Variants in RYR3 observed in about 807,000 individuals in gnomAD.
RYR3 encodes brain ryanodine receptor-calcium release channel.
RYR3 carries 207 observed loss-of-function variants against 584.3 expected under a neutral mutation model. That is an observed-to-expected ratio of 0.35 (90% confidence interval 0.32 to 0.40). The LOEUF is 0.40. Among genes scored for constraint, RYR3 ranks in the 10% least tolerant of loss-of-function variants. The pLI is 1.00. For missense variants in RYR3, 5,616 were observed against 6,089.2 expected (o/e 0.92, Z 2.59); for synonymous variants, 2,416 against 2,248.5 (o/e 1.07, Z -2.11).
chr15:33,503,971 G>A (rs1176646265), intron 3 of RYR3, among the ~76,000 whole-genome samples: 2 of 152,192 alleles, frequency 1.3e-5, no homozygotes, highest in Non-Finnish European at 2.9e-5. Flanking sequence ...AATGCTGCAT[G>A]AGCAAGGCAC....
intron 3 of RYR3, among the ~76,000 whole-genome samples, chr15:33,507,484 G>A (rs2052580490): frequency 6.6e-6 from 1 of 152,138 alleles, no homozygotes; most frequent in African/African-American, 2.4e-5. Context: ...AATTACCGAG[G>A]GATAGATGCT....
intron 16 of RYR3, among the ~76,000 whole-genome samples, chr15:33,586,501 A>G (rs904204719): frequency 5.9e-5 from 9 of 152,202 alleles, no homozygotes; most frequent in African/African-American, 2.2e-4. Flanking sequence ...TGAAGAAATC[A>G]GATTTAAAAC....
At position 33,548,066 on chromosome 15, in the gene RYR3, GTTC is replaced by G. The variant is rs2056382163; in HGVS notation, c.741-60_741-58del. 8.3e-6 allele frequency: 10 copies of G among 1,211,070 alleles called. No individual in the cohort carries two copies. The South Asian group carries it at 1.3e-4, about 15-fold the overall frequency. The allele number at this position is 1,211,070 out of a possible 1,614,324, so 75.0% of individuals were successfully genotyped here. A position where few individuals can be genotyped will look rare whatever the true frequency, so the allele number is the denominator to read the frequency against. On this transcript the variant is annotated intron_variant, in intron 8 of 103. Transcript: ENST00000634891. ...ACCTGAACAGCCTCTGCAGGGAGCTGTTCTTCACCCGGGTGCTGATCAGTGTCA... is the reference window on the plus strand; with the variant it reads ...ACCTGAACAGCCTCTGCAGGGAGCTGTTCACCCGGGTGCTGATCAGTGTCA...
intron 12 of RYR3, among the ~76,000 whole-genome samples, chr15:33,568,290 C>G (rs2057825747): frequency 6.6e-6 from 1 of 152,070 alleles, no homozygotes; most frequent in African/African-American, 2.4e-5. Context: ...TTGAATTGTG[C>G]TCTTTAAATA....
At chr15:33,739,304 A>G (rs1387061513) in intron 50 of RYR3, among the ~76,000 whole-genome samples, 2 of 152,198 alleles carry the variant, frequency 1.3e-5, no homozygotes. Flanking sequence ...GTATAAGCAG[A>G]TCAAAAGCTC....
Position 33,865,549 on chromosome 15 carries a change from A to T in RYR3, c.*323A>T. 1 of 262,026 alleles carries T rather than the reference A, an allele frequency of 3.8e-6. No individual in the cohort carries two copies. The highest frequency in any genetic ancestry group is 7.3e-6 in the Non-Finnish European group (1 of 136,890). 16.2% of individuals were successfully genotyped at this position (262,026 alleles called of 1,614,324 possible). On this transcript the variant is annotated 3_prime_UTR_variant, in exon 104 of 104. Coordinates refer to ENST00000634891, the MANE Select transcript of RYR3 (RefSeq NM_001036.6). ...ATGGAAGCATGAAGGAAAGGGCTAGAGAAGTATGAAATCTCGAATGTGTAA... is the reference window on the plus strand; with the variant it reads ...ATGGAAGCATGAAGGAAAGGGCTAGTGAAGTATGAAATCTCGAATGTGTAA...
Position 33,695,970 on chromosome 15 carries a change from TTTTTG to T in RYR3, c.5861-247_5861-243del, listed in dbSNP as rs1470722136. Among the ~76,000 whole-genome samples, 87 of 121,930 alleles carry T rather than the reference TTTTTG, an allele frequency of 7.1e-4. 2 individuals are homozygous for T. The highest frequency in any genetic ancestry group is 6.2e-3 in the East Asian group (24 of 3,864). 80.0% of individuals were successfully genotyped at this position (121,930 alleles called of 152,430 possible). On this transcript the variant is annotated intron_variant, in intron 38 of 103. Coordinates refer to ENST00000634891, the MANE Select transcript of RYR3 (RefSeq NM_001036.6). ...AGCTTTTTTTTTTTTTTTTTTTTTT[TTTTTG>T]GTAGCAACAGGGTCTCGCTTTGTGG...
chr15:33,696,622 C>G, intron 39 of RYR3, 131 bp downstream of exon 39: 1 of 967,114 alleles, frequency 1.0e-6, no homozygotes. Flanking sequence ...AATTTCACTC[C>G]TCATGGAGTC....
Position 33,603,195 on chromosome 15 carries a change from T to G in RYR3, c.1995T>G (p.Ile665Met), listed in dbSNP as rs981674648. 1.9e-6 allele frequency: 3 copies of G among 1,613,800 alleles called. No individual in the cohort carries two copies. Among genetic ancestry groups the G allele is most frequent in the Non-Finnish European group, 2.5e-6 (3 of 1,179,856 alleles). ...AQYKKWYFEL[I>M]IDQVDPFLTA... ...ACAAGAAGTGGTACTTCGAGCTGAT[T>G]ATCGACCAGGTGGACCCCTTCCTAA... Residue 665 changes from isoleucine (I) to methionine (M), a missense_variant, in exon 18 of 104, where the codon ATT becomes ATG. Around this residue, in one of 9 missense-constraint regions of RYR3, gnomAD observed 1,284 missense variants for 1,344.6 expected, o/e 0.95. Transcript: ENST00000634891.
intron 9 of RYR3, among the ~76,000 whole-genome samples, chr15:33,549,131 C>A (rs148950421): frequency 3.3e-5 from 5 of 152,026 alleles, no homozygotes; most frequent in African/African-American, 7.3e-5. Context: ...AAGGAGCGTG[C>A]ACTTACTAAC....
At chr15:33,526,117 T>C (rs2054365014) in intron 3 of RYR3, among the ~76,000 whole-genome samples, 1 of 152,204 alleles carries the variant, frequency 6.6e-6, no homozygotes, top group Admixed American at 6.5e-5. Flanking sequence ...CTAACAGTAT[T>C]GAAACATTTG....
intron 1 of RYR3, among the ~76,000 whole-genome samples, chr15:33,421,145 T>C (rs963923772): frequency 6.6e-6 from 1 of 152,062 alleles, no homozygotes; most frequent in African/African-American, 2.4e-5. Flanking sequence ...TCCTGGTGAA[T>C]TGGAGGAGAA....
intron 2 of RYR3, among the ~76,000 whole-genome samples, chr15:33,500,791 C>G (rs991854061): frequency 1.6e-4 from 25 of 152,264 alleles, no homozygotes; most frequent in African/African-American, 5.8e-4. Context: ...GTGGCCTTTG[C>G]TCATTCATCA....
At chr15:33,620,279 A>G (rs2060656718) in intron 19 of RYR3, among the ~76,000 whole-genome samples, 1 of 152,070 alleles carries the variant, frequency 6.6e-6, no homozygotes, top group Non-Finnish European at 1.5e-5. Flanking sequence ...GACAGTTGTC[A>G]AGCTTCCACG....
At position 33,859,742 on chromosome 15, in the gene RYR3, C is replaced by A; in HGVS notation, c.14299+11C>A. ...TGGCCATCATTCAAGGTATGATTGC[C>A]AATTGTGTTGAGTATGAACAGGGTT... On this transcript the variant is annotated intron_variant, in intron 100 of 103. Transcript: ENST00000634891. 1 of 1,600,712 alleles carries A rather than the reference C, an allele frequency of 6.2e-7. No individual in the cohort carries two copies. The highest frequency in any genetic ancestry group is 8.5e-7 in the Non-Finnish European group (1 of 1,172,560).
intron 1 of RYR3, among the ~76,000 whole-genome samples, chr15:33,320,168 G>C (rs1376754892): frequency 6.6e-6 from 1 of 152,186 alleles, no homozygotes; most frequent in Admixed American, 6.5e-5. Flanking sequence ...ATATTTTCAT[G>C]ATAGGATCAG....
At chr15:33,806,250 A>G (rs1160321267) in intron 69 of RYR3, among the ~76,000 whole-genome samples, 1 of 152,192 alleles carries the variant, frequency 6.6e-6, no homozygotes, top group Non-Finnish European at 1.5e-5. Context: ...TTTAAGTTCT[A>G]CACACAAAAT....
intron 2 of RYR3, among the ~76,000 whole-genome samples, chr15:33,488,589 G>T (rs138645716): frequency 6.6e-6 from 1 of 152,128 alleles, no homozygotes; most frequent in Non-Finnish European, 1.5e-5. Context: ...CATGGTGGCT[G>T]ATGCCTGTAA....
chr15:33,771,404 G>A (rs553531895), intron 62 of RYR3, among the ~76,000 whole-genome samples: 5 of 151,388 alleles, frequency 3.3e-5, no homozygotes, highest in African/African-American at 1.2e-4. Context: ...CGTGGTGGCG[G>A]GTGCCTGTAA....
Sources: allele counts gnomAD v4.1 joint callset (sites outside exome capture counted in the v4.1 genomes callset), GRCh38; gene constraint gnomAD v4.1.1; regional missense constraint gnomAD v4.1.1; transcripts MANE v1.5; gene names NCBI Gene and HGNC (gene_info 2026-07-23, HGNC 2026-07-21).